Variants in CLEC16A observed in about 807,000 individuals in gnomAD.
CLEC16A encodes C-type lectin domain containing 16A.
A neutral mutation model predicts 109.5 loss-of-function variants in CLEC16A; 51 were observed. That is an observed-to-expected ratio of 0.47 (90% CI 0.37 to 0.59). The LOEUF (loss-of-function observed/expected upper bound fraction) is 0.59. Among genes scored for constraint, CLEC16A ranks in the 20% least tolerant of loss-of-function variants. The pLI, the probability that CLEC16A is intolerant of heterozygous loss-of-function variation, is 0.00. For synonymous variants in CLEC16A, 673 were observed against 564.2 expected (o/e 1.19, Z -2.73); for missense variants, 1,339 against 1,394.0 (o/e 0.96, Z 0.63).
intron 16 of CLEC16A, 116 bp from the exon 17 acceptor site, chr16:11,047,176 A>T: frequency 1.6e-6 from 1 of 627,458 alleles, no homozygotes; most frequent in Non-Finnish European, 2.5e-6. Flanking sequence ...ATTTACGAGA[A>T]CTCACTAATG....
chr16:11,150,978 A>T (rs1039054186), intron 22 of CLEC16A, among the ~76,000 whole-genome samples: 1 of 152,226 alleles, frequency 6.6e-6, no homozygotes, highest in African/African-American at 2.4e-5. Context: ...GGAGGCACAG[A>T]CATATTGGAT....
At chr16:10,950,161 G>T (rs80251937) in intron 1 of CLEC16A, among the ~76,000 whole-genome samples, 6 of 152,344 alleles carry the variant, frequency 3.9e-5, no homozygotes, top group Non-Finnish European at 7.3e-5. Flanking sequence ...CCCTCAGGAA[G>T]CTGGCCGGGG....
At chr16:11,000,389 C>G (rs1472327359) in intron 10 of CLEC16A, among the ~76,000 whole-genome samples, 1 of 152,168 alleles carries the variant, frequency 6.6e-6, no homozygotes, top group African/African-American at 2.4e-5. Flanking sequence ...CTCTTAATTT[C>G]AAACTAGGGG....
Position 10,962,577 on chromosome 16 carries a change from A to T in CLEC16A, c.332A>T (p.Glu111Val), listed in dbSNP as rs1435423508. ...LNILFENISH[E>V]TSLYYLLSNN... ...ATCCTCTTTGAGAACATCAGTCACG[A>T]GACCTCACTTTGTAAGGACATTCCT... The change falls in exon 3 of 24, where the codon GAG becomes GTG. Residue 111 changes from glutamate (E) to valine (V), a missense_variant. Physicochemically the swap from Glu to Val is moderately radical, Grantham distance 121. Transcript: ENST00000409790. 3.1e-6 allele frequency: 5 copies of T among 1,613,684 alleles called. No homozygotes were observed. In the East Asian group the frequency reaches 6.7e-5, roughly 22 times the overall value.
chr16:11,073,514 G>T (rs575007591), intron 19 of CLEC16A, among the ~76,000 whole-genome samples: 24 of 152,222 alleles, frequency 1.6e-4, no homozygotes, highest in African/African-American at 5.8e-4. Flanking sequence ...TATGTAAAAG[G>T]CGCCTAACCC....
chr16:11,101,682 G>C (rs1009133673), intron 19 of CLEC16A, among the ~76,000 whole-genome samples: 4 of 152,196 alleles, frequency 2.6e-5, no homozygotes, highest in Non-Finnish European at 4.4e-5. Flanking sequence ...TGCCCTCATA[G>C]AACTAATGTT....
chr16:11,042,167 G>A, intron 14 of CLEC16A, 87 bp from the exon 15 acceptor site: 1 of 972,400 alleles, frequency 1.0e-6, no homozygotes, highest in East Asian at 2.7e-5. Flanking sequence ...CATGTGACCT[G>A]CTAGCCTCAA....
chr16:10,973,256 C>A (rs542401238), intron 7 of CLEC16A, among the ~76,000 whole-genome samples, 195 bp downstream of exon 7: 1 of 152,328 alleles, frequency 6.6e-6, no homozygotes, highest in African/African-American at 2.4e-5. Context: ...CAGACGCCTC[C>A]CAGAGCAGGC....
chr16:11,113,046 G>A (rs886349302), intron 19 of CLEC16A, among the ~76,000 whole-genome samples: 4 of 152,244 alleles, frequency 2.6e-5, no homozygotes, highest in African/African-American at 9.6e-5. Flanking sequence ...GCACATGTGA[G>A]CTGAACTGGA....
At chr16:11,052,236 G>C (rs1331408194) in intron 18 of CLEC16A, among the ~76,000 whole-genome samples, 1 of 152,080 alleles carries the variant, frequency 6.6e-6, no homozygotes, top group Non-Finnish European at 1.5e-5. Flanking sequence ...TTTATCTCCC[G>C]GGTAAGATCA....
rs61741309 is a variant in CLEC16A, at chr16:11,020,317, A to G, written c.1428A>G (p.Gln476=). ...SAAATCSEST[Q]WSRPFLDMVY... ...CCGCCACCTGCTCTGAGAGCACGCA[A>G]TGGAGCAGGTAGCTGCCCGAGAGGT... Residue 476 remains glutamine (Q), a synonymous_variant, in exon 12 of 24, where the codon CAA becomes CAG. Coordinates refer to ENST00000409790, the MANE Select transcript of CLEC16A (RefSeq NM_015226.3). The G allele has an allele frequency of 7.4e-3, 11,980 of 1,610,410 alleles. 818 individuals carry two copies. In the African/African-American group the frequency reaches 0.14, roughly 19 times the overall value.
chr16:10,972,627 A>G lies in CLEC16A; in HGVS notation c.604+68A>G, dbSNP rs1227847173. On this transcript the variant is annotated intron_variant, in intron 6 of 23. Transcript: ENST00000409790. ...TTATATGTAAATACCTTGCTTGAGA[A>G]TGGTGTAATTCTCAGTGTAGTCTAG... 9 of 1,428,408 alleles carry G rather than the reference A, an allele frequency of 6.3e-6. No homozygotes were observed. The African/African-American group carries it at 1.1e-4, about 18-fold the overall frequency. The allele number at this position is 1,428,408 out of a possible 1,614,324, so 88.5% of individuals were successfully genotyped here. A position where few individuals can be genotyped will look rare whatever the true frequency, so the allele number is the denominator to read the frequency against.
chr16:11,166,712 CTT>C (rs1805413402), intron 23 of CLEC16A, among the ~76,000 whole-genome samples, 160 bp downstream of exon 23: 1 of 152,214 alleles, frequency 6.6e-6, no homozygotes, highest in African/African-American at 2.4e-5. Flanking sequence ...ATTCCTCTAA[CTT>C]GATGTTCCCT....
chr16:11,066,587 G>A (rs1171153478), intron 19 of CLEC16A: 2 of 152,270 alleles, frequency 1.3e-5, no homozygotes, highest in African/African-American at 4.8e-5. Context: ...CAGAACTCTT[G>A]TGTTTAGTAG....
chr16:10,948,111 T>TCTCGATCTCCTGACCTTGTGATCTGCC (rs1232510767), intron 1 of CLEC16A, among the ~76,000 whole-genome samples: 7 of 152,170 alleles, frequency 4.6e-5, no homozygotes, highest in African/African-American at 1.4e-4. Flanking sequence ...GCCAGGATGG[T>TCTCGATCTCCTGACCTTGTGATCTGCC]CTCGATCTCC....
At chr16:11,035,856 CT>C (rs1382668874) in intron 13 of CLEC16A, among the ~76,000 whole-genome samples, 2 of 152,110 alleles carry the variant, frequency 1.3e-5, no homozygotes, top group African/African-American at 4.8e-5. Flanking sequence ...ATAAGGCCTC[CT>C]TCAAAACACT....
At chr16:11,005,482 C>A (rs2044945235) in intron 11 of CLEC16A, among the ~76,000 whole-genome samples, 2 of 152,176 alleles carry the variant, frequency 1.3e-5, no homozygotes, top group South Asian at 4.1e-4. Flanking sequence ...CTCTCAATGA[C>A]CTGTGCAATT....
rs1224134344 is a variant in CLEC16A, at chr16:11,174,192, C to T, written c.2807-4143C>T. The T allele has an allele frequency of 2.1e-6, 1 of 469,744 alleles. No individual in the cohort carries two copies. The highest frequency in any genetic ancestry group is 4.4e-6 in the Non-Finnish European group (1 of 226,962). The allele number at this position is 469,744 out of a possible 1,614,324, so 29.1% of individuals were successfully genotyped here. On this transcript the variant is annotated intron_variant, in intron 23 of 23. Coordinates refer to ENST00000409790, the MANE Select transcript of CLEC16A (RefSeq NM_015226.3). This position sits in a 1 kb window ranked among gnomAD's most constrained non-coding sequence, Gnocchi z 4.7. ...GAAAGGACGCCGACGAGTGTTCAGC[C>T]TGTCGGAGGCCGACAGTCATGGCGG...
At chr16:10,959,919 G>A (rs991070095) in intron 2 of CLEC16A, among the ~76,000 whole-genome samples, 5 of 151,878 alleles carry the variant, frequency 3.3e-5, no homozygotes, top group South Asian at 2.1e-4. Context: ...TGCCTAGAAC[G>A]GACGTGTCAT....
Sources: allele counts gnomAD v4.1 joint callset (sites outside exome capture counted in the v4.1 genomes callset), GRCh38; gene constraint gnomAD v4.1.1; non-coding constraint Gnocchi (gnomAD v3.1); transcripts MANE v1.5; gene names NCBI Gene and HGNC (gene_info 2026-07-23, HGNC 2026-07-21).